Variants in POLR3F observed in about 807,000 individuals in gnomAD.
POLR3F encodes RNA polymerase III subunit F.
A neutral mutation model predicts 43.6 loss-of-function variants in POLR3F; 31 were observed. The ratio of observed to expected loss-of-function variants is 0.71; its 90% CI spans 0.53 to 0.96. The LOEUF is 0.96. Among genes scored for constraint, POLR3F ranks in the 40% least tolerant of loss-of-function variants. POLR3F has a pLI of 0.00. For missense variants in POLR3F, 316 were observed against 391.7 expected (o/e 0.81, Z 1.63); for synonymous variants, 114 against 132.5 (o/e 0.86, Z 0.96).
intron 4 of POLR3F, 137 bp downstream of exon 4, chr20:18,473,595 T>C: frequency 2.2e-6 from 1 of 453,340 alleles, no homozygotes; most frequent in South Asian, 4.0e-5. Flanking sequence ...AAATATAACA[T>C]GCATGTGCTT....
chr20:18,474,355 G>A (rs2059769216), intron 4 of POLR3F, among the ~76,000 whole-genome samples: 1 of 151,774 alleles, frequency 6.6e-6, no homozygotes, highest in African/African-American at 2.4e-5. Flanking sequence ...GAGTGTTTTT[G>A]TCCCACTTGA....
Position 18,484,029 on chromosome 20 carries a change from G to T in POLR3F, c.*471G>T, listed in dbSNP as rs1055177. 336,396 of 398,220 alleles carry T rather than the reference G, an allele frequency of 0.84. 142,601 individuals are homozygous for T. Among genetic ancestry groups the T allele is most frequent in the South Asian group, 0.91 (7,125 of 7,842 alleles). 24.7% of individuals were successfully genotyped at this position (398,220 alleles called of 1,614,324 possible). A position where few individuals can be genotyped will look rare whatever the true frequency, so the allele number is the denominator to read the frequency against. On this transcript the variant is annotated 3_prime_UTR_variant, in exon 9 of 9. Transcript: ENST00000377603. The stretch of plus-strand genomic sequence containing the variant: ...GGTTTCATTGAAAAGAAATTAGAAG[G>T]GGTTAAAGGCAGGAATAGCAAAGAG...
chr20:18,472,186 T>G (rs544912626), intron 2 of POLR3F, among the ~76,000 whole-genome samples: 1 of 152,348 alleles, frequency 6.6e-6, no homozygotes, highest in African/African-American at 2.4e-5. Context: ...ATTGGCTGAC[T>G]TCAGTAAATG....
chr20:18,479,291 C>T lies in POLR3F; in HGVS notation c.430-747C>T, dbSNP rs939284591. Among the ~76,000 whole-genome samples the T allele has an allele frequency of 2.6e-5, 4 of 151,396 alleles. No homozygotes were observed. The South Asian group carries it at 8.3e-4, about 32-fold the overall frequency. On this transcript the variant is annotated intron_variant, in intron 5 of 8. Transcript: ENST00000377603. The stretch of plus-strand genomic sequence containing the variant: ...CGGGAGGATCACGAGGTCAAGAGAT[C>T]GAGACCATCCTGGCCAACATGGTGA...
At chr20:18,470,311 CT>C (rs2059742352) in intron 2 of POLR3F, among the ~76,000 whole-genome samples, 1 of 152,162 alleles carries the variant, frequency 6.6e-6, no homozygotes, top group African/African-American at 2.4e-5. Flanking sequence ...TTTCTTAAAC[CT>C]TTCCCATCAA....
intron 4 of POLR3F, among the ~76,000 whole-genome samples, chr20:18,474,830 A>G (rs1342704942): frequency 6.6e-6 from 1 of 152,098 alleles, no homozygotes; most frequent in African/African-American, 2.4e-5. Context: ...CCCTTTCCAT[A>G]AGTTTTTTAA....
intron 2 of POLR3F, among the ~76,000 whole-genome samples, chr20:18,471,832 A>T (rs1043625399): frequency 6.6e-6 from 1 of 152,208 alleles, no homozygotes; most frequent in African/African-American, 2.4e-5. Context: ...AAATACAAAT[A>T]TCAGCGTGGC....
At chr20:18,472,794 A>AT (rs1568578182) in intron 2 of POLR3F, 48 bp from the exon 3 acceptor site, 4 of 805,154 alleles carry the variant, frequency 5.0e-6, no homozygotes, top group Non-Finnish European at 8.3e-6. Context: ...TTGATTTAAC[A>AT]TATCTCCAAA....
chr20:18,473,369 AT>A, intron 3 of POLR3F, 21 bp from the exon 4 acceptor site: 1 of 1,042,960 alleles, frequency 9.6e-7, no homozygotes, highest in Non-Finnish European at 1.5e-6. Context: ...TACCTTACTA[AT>A]TTTACTTTAT....
rs560133385 is a variant in POLR3F at position 18,483,673 on chromosome 20, G to A, written c.*115G>A. 46 of 478,162 alleles carry A rather than the reference G, an allele frequency of 9.6e-5. No homozygotes were observed. The highest frequency in any genetic ancestry group is 5.4e-4 in the Admixed American group (14 of 25,954). The allele number at this position is 478,162 out of a possible 1,614,324, so 29.6% of individuals were successfully genotyped here. Reference sequence around the variant, plus strand: ...GAAAGCAAACTTCACAATAATGGACGTAGACTTGCTGCTATGAAAACATAT... The same window carrying A: ...GAAAGCAAACTTCACAATAATGGACATAGACTTGCTGCTATGAAAACATAT... On this transcript the variant is annotated 3_prime_UTR_variant, in exon 9 of 9. Transcript: ENST00000377603.
intron 4 of POLR3F, 117 bp downstream of exon 4, chr20:18,473,575 TAG>T: frequency 4.0e-6 from 2 of 504,918 alleles, no homozygotes; most frequent in Non-Finnish European, 7.5e-6. Flanking sequence ...AGGAAGGTAA[TAG>T]AACATACAAA....
intron 8 of POLR3F, among the ~76,000 whole-genome samples, 200 bp downstream of exon 8, chr20:18,482,010 C>T (rs1213603364): frequency 1.9e-5 from 2 of 102,678 alleles, no homozygotes; most frequent in Admixed American, 1.4e-4. Context: ...TTTTTTGAGA[C>T]GGAGTCTCAC....
At position 18,483,514 on chromosome 20, in the gene POLR3F, T is replaced by G; in HGVS notation, c.907T>G (p.Ser303Ala). The change falls in exon 9 of 9, where the codon TCA (serine) becomes GCA (alanine). Residue 303 changes from serine (S) to alanine (A), a missense_variant. Transcript: ENST00000377603. ...FDDCHEGGEI[S>A]PSNCIYMTEW... is the part of the protein sequence containing the mutation. ...TGACTGCCACGAAGGTGGTGAGATT[T>G]CACCATCTAACTGTATTTACATGAC... 1 of 1,540,304 alleles carries G rather than the reference T, an allele frequency of 6.5e-7. No individual in the cohort carries two copies. The highest frequency in any genetic ancestry group is 8.8e-7 in the Non-Finnish European group (1 of 1,131,704).
At chr20:18,474,197 A>G (rs913135942) in intron 4 of POLR3F, among the ~76,000 whole-genome samples, 10 of 152,180 alleles carry the variant, frequency 6.6e-5, no homozygotes, top group African/African-American at 2.4e-4. Flanking sequence ...CTTTCCATAT[A>G]TAACACTTAT....
In POLR3F at chr20:18,468,929, TA is replaced by T. The variant is rs1206369845; in HGVS notation, c.63-14del. On this transcript the variant is annotated splice_polypyrimidine_tract_variant and intron_variant, in intron 1 of 8. Transcript: ENST00000377603. ...AGGTAACCATGAAGGATAACATTAA[TA>T]CCTTTGTTTCTAGGATTATAGAATT... 36 of 1,164,006 alleles carry T rather than the reference TA, an allele frequency of 3.1e-5. No individual in the cohort carries two copies. Among genetic ancestry groups the T allele is most frequent in the Admixed American group, 1.3e-4 (8 of 59,460 alleles). The allele number at this position is 1,164,006 out of a possible 1,614,324, so 72.1% of individuals were successfully genotyped here.
rs1021734646 is a variant in POLR3F at position 18,484,092 on chromosome 20, G to C, written c.*534G>C. On this transcript the variant is annotated 3_prime_UTR_variant, in exon 9 of 9. Transcript: ENST00000377603. The stretch of plus-strand genomic sequence containing the variant: ...GTATGACTGGGGGAGAGTGGAACAT[G>C]CCTTTTCCGCACAATATTAATTCCT... 2 of 398,292 alleles carry C rather than the reference G, an allele frequency of 5.0e-6. No individual in the cohort carries two copies. The highest frequency in any genetic ancestry group is 8.8e-6 in the Non-Finnish European group (2 of 226,040). 24.7% of individuals were successfully genotyped at this position (398,292 alleles called of 1,614,324 possible). A position where few individuals can be genotyped will look rare whatever the true frequency, so the allele number is the denominator to read the frequency against.
Position 18,469,016 on chromosome 20 carries a change from A to G in POLR3F, c.135A>G (p.Ile45Met). ...DQVIQNEMPH[I>M]EAQQRAVAIN... ...TAATTCAGAATGAAATGCCTCATAT[A>G]GAAGCCCAGCAGCGGGCAGTAGCCA... Residue 45 changes from isoleucine (I) to methionine (M), a missense_variant, in exon 2 of 9, where the codon ATA becomes ATG. This residue lies in a region of POLR3F where 122 missense variants were observed against 133.8 expected (regional missense o/e 0.91). Coordinates refer to ENST00000377603, the MANE Select transcript of POLR3F (RefSeq NM_006466.4). 1 of 1,597,824 alleles carries G rather than the reference A, an allele frequency of 6.3e-7. No homozygotes were observed. Among genetic ancestry groups the G allele is most frequent in the Non-Finnish European group, 8.6e-7 (1 of 1,165,086 alleles).
intron 5 of POLR3F, 111 bp downstream of exon 5, chr20:18,475,298 C>T: frequency 1.8e-6 from 1 of 544,576 alleles, no homozygotes; most frequent in Non-Finnish European, 3.3e-6. Flanking sequence ...AAAAATTTAG[C>T]TCATGTTGGA....
At chr20:18,481,367 G>C (rs143916548) in intron 7 of POLR3F, among the ~76,000 whole-genome samples, 1 of 150,990 alleles carries the variant, frequency 6.6e-6, no homozygotes, top group Non-Finnish European at 1.5e-5. Flanking sequence ...TCAGCCTCCC[G>C]AGTAGGTGGG....
Sources: allele counts gnomAD v4.1 joint callset (sites outside exome capture counted in the v4.1 genomes callset), GRCh38; gene constraint gnomAD v4.1.1; regional missense constraint gnomAD v4.1.1; transcripts MANE v1.5; gene names NCBI Gene and HGNC (gene_info 2026-07-23, HGNC 2026-07-21).